The following HVCN1 variants were observed in gnomAD, a reference collection of about 807,000 sequenced individuals.
The protein encoded by HVCN1 is hydrogen voltage gated channel 1.
HVCN1 carries 14 observed loss-of-function variants against 29.2 expected under a neutral mutation model. The ratio of observed to expected loss-of-function variants is 0.48; its 90% CI spans 0.32 to 0.75. The LOEUF is 0.75. Ranked by LOEUF, HVCN1 falls within the 30% of genes least tolerant of loss-of-function variation. The pLI is 0.04. For missense variants in HVCN1, 263 were observed against 341.8 expected (o/e 0.77, Z 1.82); for synonymous variants, 131 against 133.2 (o/e 0.98, Z 0.11).
At chr12:110,691,619 G>A (rs11833370), upstream of HVCN1, among the ~76,000 whole-genome samples, 502 of 152,278 alleles carry the variant, frequency 3.3e-3, 3 homozygotes, top group African/African-American at 0.011. Context: ...CAAGTACCCC[G>A]TCCCCTAGTT....
At chr12:110,671,089 G>A (rs926867720) in intron 3 of HVCN1, among the ~76,000 whole-genome samples, 1 of 152,136 alleles carries the variant, frequency 6.6e-6, no homozygotes, top group Non-Finnish European at 1.5e-5. Context: ...CACTTTGAGA[G>A]GCCAGGGTGG....
chr12:110,652,137 T>C (rs1422965683), intron 5 of HVCN1, among the ~76,000 whole-genome samples: 1 of 152,230 alleles, frequency 6.6e-6, no homozygotes, highest in Non-Finnish European at 1.5e-5. Context: ...CTCATGCCTG[T>C]AATCCCAGCA....
At chr12:110,680,878 C>T (rs2068941466) in intron 3 of HVCN1, among the ~76,000 whole-genome samples, 1 of 152,026 alleles carries the variant, frequency 6.6e-6, no homozygotes, top group African/African-American at 2.4e-5. Context: ...TGAAGTGAGC[C>T]GAGATTGCAC....
Position 110,661,317 on chromosome 12 carries a change from C to G in HVCN1, c.153G>C (p.Glu51Asp). The change falls in exon 4 of 8, where the codon GAG becomes GAC. Residue 51 changes from glutamate (E) to aspartate (D), a missense_variant. Glu to Asp is a conservative substitution (Grantham distance 45). Transcript: ENST00000242607. This position sits in a 1 kb window ranked among gnomAD's most constrained non-coding sequence, Gnocchi z 6.2. ...NYKKWENEEE[E>D]EEEEQPPPTP... The stretch of plus-strand genomic sequence containing the variant: ...TGGGTGGTGGCTGCTCCTCCTCCTC[C>G]TCCTCCTCTTCATTCTCCCATTTCT... 1 of 1,614,224 alleles carries G rather than the reference C, an allele frequency of 6.2e-7. No homozygotes were observed. Among genetic ancestry groups the G allele is most frequent in the Non-Finnish European group, 8.5e-7 (1 of 1,180,044 alleles).
intron 5 of HVCN1, among the ~76,000 whole-genome samples, chr12:110,652,822 G>C (rs933402839): frequency 2.0e-5 from 3 of 152,194 alleles, no homozygotes; most frequent in Non-Finnish European, 4.4e-5. Flanking sequence ...TGGGGAAGAG[G>C]ATATTTGCAT....
In HVCN1 at chr12:110,655,217, G is replaced by A. The variant is rs768708239; in HGVS notation, c.411+17C>T. ...AAAACATATCAGTAAGACCCCAGAA[G>A]AGCTGTCAACCCCTACCATGGCAGC... On this transcript the variant is annotated intron_variant, in intron 5 of 7. Coordinates refer to ENST00000242607, the MANE Select transcript of HVCN1 (RefSeq NM_032369.4). 1.9e-6 allele frequency: 3 copies of A among 1,580,698 alleles called. No homozygotes were observed. The highest frequency in any genetic ancestry group is 1.7e-4 in the Middle Eastern group (1 of 6,014).
At chr12:110,682,090 C>T (rs111510785) in intron 3 of HVCN1, among the ~76,000 whole-genome samples, 11 of 152,190 alleles carry the variant, frequency 7.2e-5, no homozygotes, top group African/African-American at 2.4e-4. Flanking sequence ...CAAGTTCAAG[C>T]GATTCTCCTG....
chr12:110,683,942 AG>A (rs1199615912), intron 2 of HVCN1, among the ~76,000 whole-genome samples: 4 of 150,600 alleles, frequency 2.7e-5, no homozygotes, highest in Non-Finnish European at 5.9e-5. Context: ...AAAAAAAGAG[AG>A]AGAAATAAAG....
intron 1 of HVCN1, among the ~76,000 whole-genome samples, 184 bp downstream of exon 1, chr12:110,688,896 G>T (rs2069304999): frequency 6.6e-6 from 1 of 152,134 alleles, no homozygotes; most frequent in Admixed American, 6.5e-5. Context: ...GCCCGCCCGC[G>T]CCGGGACACG....
intron 3 of HVCN1, among the ~76,000 whole-genome samples, chr12:110,673,991 G>C (rs1365322521): frequency 6.6e-6 from 1 of 152,212 alleles, no homozygotes; most frequent in Non-Finnish European, 1.5e-5. Context: ...CAGAATGGTA[G>C]ATCCACCAAT....
At position 110,658,217 on chromosome 12, in the gene HVCN1, A is replaced by G. The variant is rs1240815832; in HGVS notation, c.307-2879T>C. 1.3e-5 allele frequency among the ~76,000 whole-genome samples: 2 copies of G among 151,998 alleles called. No individual in the cohort carries two copies. Among genetic ancestry groups the G allele is most frequent in the African/African-American group, 4.8e-5 (2 of 41,358 alleles). ...TCCCATGTAAGAAGGGACCTCAATT[A>G]ACTATTAATATATCAAGCACCTTGG... On this transcript the variant is annotated intron_variant, in intron 4 of 7. Transcript: ENST00000242607. The surrounding 1 kb of genome is among the most constrained non-coding windows in gnomAD (Gnocchi z 5.0).
At chr12:110,671,235 G>A (rs1041124757) in intron 3 of HVCN1, among the ~76,000 whole-genome samples, 6 of 152,166 alleles carry the variant, frequency 3.9e-5, no homozygotes, top group Non-Finnish European at 7.3e-5. Flanking sequence ...GCTGAAGCAG[G>A]AGAATCGCTT....
Position 110,658,969 on chromosome 12 carries a change from C to T in HVCN1, c.306+2195G>A, listed in dbSNP as rs549336875. ...GCAGGAGGGGGATATCCTGATGGGGCGGCCCAGGGCTCCCCTTGCAGCTGC... is the reference window on the plus strand; with the variant it reads ...GCAGGAGGGGGATATCCTGATGGGGTGGCCCAGGGCTCCCCTTGCAGCTGC... On this transcript the variant is annotated intron_variant, in intron 4 of 7. Coordinates refer to ENST00000242607, the MANE Select transcript of HVCN1 (RefSeq NM_032369.4). The surrounding 1 kb of genome is among the most constrained non-coding windows in gnomAD (Gnocchi z 5.0). 2.6e-5 allele frequency among the ~76,000 whole-genome samples: 4 copies of T among 152,340 alleles called. No homozygotes were observed. The highest frequency in any genetic ancestry group is 4.8e-5 in the African/African-American group (2 of 41,592).
At chr12:110,701,127 C>T (rs568262090) in intron 2 of HVCN1, among the ~76,000 whole-genome samples, 5 of 150,270 alleles carry the variant, frequency 3.3e-5, no homozygotes, top group Admixed American at 6.8e-5. Flanking sequence ...CCAGCTGCGC[C>T]CAGTGCTACC....
chr12:110,666,011 A>T lies in HVCN1; in HGVS notation c.22-4563T>A, dbSNP rs187732343. Among the ~76,000 whole-genome samples, 3 of 151,524 alleles carry T rather than the reference A, an allele frequency of 2.0e-5. No homozygotes were observed. The East Asian group carries it at 5.8e-4, about 29-fold the overall frequency. On this transcript the variant is annotated intron_variant, in intron 3 of 7. Coordinates refer to ENST00000242607, the MANE Select transcript of HVCN1 (RefSeq NM_032369.4). ...ACAAGAGTGAATCTCCATCTCACAAAAAAAGAAGGAAAAAAAAAAAAAGAT... is the reference window on the plus strand; with the variant it reads ...ACAAGAGTGAATCTCCATCTCACAATAAAAGAAGGAAAAAAAAAAAAAGAT...
chr12:110,654,471 C>CTTTT (rs1199046571), intron 5 of HVCN1, among the ~76,000 whole-genome samples: 2 of 112,582 alleles, frequency 1.8e-5, no homozygotes, highest in Admixed American at 1.0e-4. Context: ...GGGGGAAATG[C>CTTTT]TTTTTTTTTT....
In HVCN1 at chr12:110,651,314, G is replaced by A. The variant is rs2067807198; in HGVS notation, c.546C>T (p.Phe182=). 1 of 1,614,092 alleles carries A rather than the reference G, an allele frequency of 6.2e-7. No individual in the cohort carries two copies. Among genetic ancestry groups the A allele is most frequent in the Non-Finnish European group, 8.5e-7 (1 of 1,179,938 alleles). The change falls in exon 6 of 8, where the codon TTC becomes TTT. Residue 182 remains phenylalanine, a synonymous_variant. Coordinates refer to ENST00000242607, the MANE Select transcript of HVCN1 (RefSeq NM_032369.4). The part of the protein sequence containing the change: ...ILDAVVVVVS[F]ILDIVLLFQE... ...GGAACAGGAGGACAATGTCGAGGAT[G>A]AATGAGACCACCACCACGACGGCAT...
At chr12:110,704,749 G>A (rs2069590471) in intron 1 of HVCN1, 1 of 152,226 alleles carries the variant, frequency 6.6e-6, no homozygotes, top group African/African-American at 2.4e-5. Flanking sequence ...CACTGTAAAT[G>A]AACAGCCACA....
At chr12:110,662,709 CACAA>C (rs775997198) in intron 3 of HVCN1, among the ~76,000 whole-genome samples, 22 of 152,038 alleles carry the variant, frequency 1.4e-4, no homozygotes, top group East Asian at 3.9e-4. Context: ...TGTCTCAAAA[CACAA>C]ACAAACAACA....
Sources: allele counts gnomAD v4.1 joint callset (sites outside exome capture counted in the v4.1 genomes callset), GRCh38; gene constraint gnomAD v4.1.1; non-coding constraint Gnocchi (gnomAD v3.1); transcripts MANE v1.5; gene names NCBI Gene and HGNC (gene_info 2026-07-23, HGNC 2026-07-21).